Variants in CAST observed in about 807,000 individuals in gnomAD.
CAST encodes the protein MIR583 host.
Under a neutral mutation model 119.6 loss-of-function variants are expected in CAST, and 76 were observed. That is an observed-to-expected ratio of 0.64 (90% CI 0.53 to 0.77). The LOEUF (loss-of-function observed/expected upper bound fraction) is 0.77, where lower values mean the gene tolerates loss of function less well. CAST is among the 30% of genes least tolerant of loss of function. The probability of loss-of-function intolerance (pLI) is 0.00; values close to 1 mark genes in which losing one functional copy is unlikely to be tolerated. For synonymous variants in CAST, 319 were observed against 331.6 expected, an observed-to-expected ratio of 0.96 and a Z score of 0.41; for missense variants, 953 against 946.5, an observed-to-expected ratio of 1.01 and a Z score of -0.09.
the CAST span, chr5:96,394,727 T>C: frequency 1.3e-6 from 1 of 768,866 alleles, no homozygotes; most frequent in Non-Finnish European, 2.3e-6. Flanking sequence ...TGGAAAAGAA[T>C]AGTTTACCAC....
At chr5:96,382,772 GAGACTT>G in the CAST span, among the ~76,000 whole-genome samples, 6 of 152,162 alleles carry the variant, frequency 3.9e-5, no homozygotes, top group African/African-American at 1.4e-4. Flanking sequence ...TGAAGAAACT[GAGACTT>G]AGAAAGGAAG....
At chr5:96,578,340 G>C (rs1746709628) in intron 1 of CAST, among the ~76,000 whole-genome samples, 1 of 149,144 alleles carries the variant, frequency 6.7e-6, no homozygotes, top group Non-Finnish European at 1.5e-5. Flanking sequence ...GTTTCTTATG[G>C]ACCGCATATA....
At chr5:96,768,310 T>C in intron 29 of CAST, 1 of 412,242 alleles carries the variant, frequency 2.4e-6, no homozygotes, top group Non-Finnish European at 4.6e-6. Flanking sequence ...TCTCGAGCTC[T>C]TGGGCTCAAG....
At chr5:96,456,319 T>C in the CAST span, among the ~76,000 whole-genome samples, 7 of 152,354 alleles carry the variant, frequency 4.6e-5, no homozygotes, top group Admixed American at 2.0e-4. Flanking sequence ...CAATATTTAG[T>C]GAGCTAAACA....
At chr5:96,366,198 C>A in the CAST span, among the ~76,000 whole-genome samples, 1 of 152,246 alleles carries the variant, frequency 6.6e-6, no homozygotes, top group Admixed American at 6.5e-5. Flanking sequence ...GAGAGATCCA[C>A]TGTTAGTCTG....
chr5:96,341,822 A>T, the CAST span, among the ~76,000 whole-genome samples: 1 of 152,198 alleles, frequency 6.6e-6, no homozygotes, highest in African/African-American at 2.4e-5. Flanking sequence ...AGTGTTAAAG[A>T]TATGTTGAAT....
chr5:96,126,400 G>T, the CAST span, among the ~76,000 whole-genome samples: 2 of 151,982 alleles, frequency 1.3e-5, no homozygotes, highest in African/African-American at 4.8e-5. Context: ...TTTCTATCTT[G>T]CTTTAGTATC....
chr5:96,469,839 A>G, the CAST span, among the ~76,000 whole-genome samples: 973 of 143,952 alleles, frequency 6.8e-3, 3 homozygotes, highest in Non-Finnish European at 0.011. Flanking sequence ...AGACAGAGAG[A>G]GAGAGAAATA....
At chr5:95,999,976 TTTTAA>T in the CAST span, among the ~76,000 whole-genome samples, 2 of 152,214 alleles carry the variant, frequency 1.3e-5, no homozygotes, top group Non-Finnish European at 2.9e-5. Context: ...CTCATTTTTG[TTTTAA>T]TTTGTTTCCC....
the CAST span, among the ~76,000 whole-genome samples, chr5:95,996,572 TG>T: frequency 2.0e-5 from 3 of 152,170 alleles, no homozygotes; most frequent in Non-Finnish European, 4.4e-5. Flanking sequence ...CGGAAACAAA[TG>T]GAGATGTCAG....
intron 1 of CAST, among the ~76,000 whole-genome samples, chr5:96,558,745 C>G (rs535088142): frequency 7.9e-5 from 12 of 152,256 alleles, no homozygotes; most frequent in African/African-American, 2.9e-4. Flanking sequence ...AGTCCAGGAC[C>G]AGATGGATTC....
the CAST span, among the ~76,000 whole-genome samples, chr5:95,978,359 T>C: frequency 2.0e-5 from 3 of 152,268 alleles, no homozygotes; most frequent in Admixed American, 6.5e-5. Flanking sequence ...TGTGAGATGA[T>C]ATCTCATTAT....
chr5:96,427,080 G>T, the CAST span, among the ~76,000 whole-genome samples: 1 of 152,292 alleles, frequency 6.6e-6, no homozygotes, highest in Admixed American at 6.5e-5. Flanking sequence ...AATCTTTGAG[G>T]TAGAGGGTCA....
rs759052381 is a variant in CAST, at chr5:96,726,870, T to A, written c.336+11T>A. On this transcript the variant is annotated intron_variant, in intron 5 of 31. Transcript: ENST00000675179. ...AAACACAAAAAACAGGTGATGTTGT[T>A]CATTGTACTAGGGCATCTCTGTTTA... is the stretch of plus-strand genomic sequence containing the variant. 3 of 1,597,306 alleles carry A rather than the reference T, an allele frequency of 1.9e-6. No individual in the cohort carries two copies. Among genetic ancestry groups the A allele is most frequent in the Non-Finnish European group, 2.6e-6 (3 of 1,165,258 alleles).
the CAST span, among the ~76,000 whole-genome samples, chr5:96,274,816 T>C: frequency 0.52 from 79,098 of 152,110 alleles, 21,829 homozygotes; most frequent in African/African-American, 0.7. Context: ...TTTTTCATTC[T>C]GTCGTGGAAA....
At chr5:96,732,108 C>T (rs923943440) in intron 9 of CAST, among the ~76,000 whole-genome samples, 1 of 140,774 alleles carries the variant, frequency 7.1e-6, no homozygotes, top group African/African-American at 2.7e-5. Context: ...AACTAGTTTA[C>T]AGTCCCACCA....
the CAST span, among the ~76,000 whole-genome samples, chr5:96,120,512 C>A: frequency 4.0e-5 from 6 of 151,538 alleles, no homozygotes; most frequent in Admixed American, 6.6e-5. Flanking sequence ...TATAATGGTT[C>A]TCTGTTGCAT....
chr5:96,714,573 G>A (rs1279344737), intron 3 of CAST: 1 of 152,168 alleles, frequency 6.6e-6, no homozygotes, highest in Non-Finnish European at 1.5e-5. Flanking sequence ...CTTCTCTAGG[G>A]GAGGGACAAG....
chr5:96,549,794 C>T (rs953338673), intron 1 of CAST, among the ~76,000 whole-genome samples: 2 of 152,250 alleles, frequency 1.3e-5, no homozygotes, highest in East Asian at 3.8e-4. Flanking sequence ...TCACTGATAG[C>T]ACAGCAGTCT....
Sources: gnomAD v4.1 joint callset for allele counts (sites outside exome capture counted in the v4.1 genomes callset) on GRCh38, gnomAD v4.1.1 for gene constraint, MANE v1.5 for transcripts, NCBI Gene and HGNC (gene_info 2026-07-23, HGNC 2026-07-21) for gene names.